Variants in PCNT observed in about 807,000 individuals in gnomAD.
PCNT encodes kendrin.
A neutral mutation model predicts 380.4 loss-of-function variants in PCNT; 319 were observed. The ratio of observed to expected loss-of-function variants is 0.84; its 90% CI spans 0.77 to 0.92. PCNT has a LOEUF of 0.92. Ranked by LOEUF, PCNT falls within the 40% of genes least tolerant of loss-of-function variation. PCNT has a pLI of 0.00. For synonymous variants in PCNT, 1,845 were observed against 1,735.2 expected, an observed-to-expected ratio of 1.06 and a Z score of -1.57; for missense variants, 4,400 against 4,255.3, an observed-to-expected ratio of 1.03 and a Z score of -0.95.
intron 1 of PCNT, among the ~76,000 whole-genome samples, chr21:46,326,000 G>A (rs1056690240): frequency 2.6e-5 from 4 of 152,174 alleles, no homozygotes; most frequent in African/African-American, 9.7e-5. Flanking sequence ...GGGAAAATTG[G>A]GGCAAGAAGG....
intron 31 of PCNT, among the ~76,000 whole-genome samples, chr21:46,420,147 C>T (rs1191726755): frequency 6.6e-6 from 1 of 152,188 alleles, no homozygotes; most frequent in East Asian, 1.9e-4. Flanking sequence ...TGTGCCTGCG[C>T]CCTCCAGTGA....
intron 3 of PCNT, among the ~76,000 whole-genome samples, chr21:46,339,282 T>G (rs1456780513): frequency 1.3e-5 from 2 of 152,212 alleles, no homozygotes; most frequent in Non-Finnish European, 2.9e-5. Flanking sequence ...GTGTCTTGCT[T>G]GCCGGTGGTT....
intron 15 of PCNT, among the ~76,000 whole-genome samples, chr21:46,372,087 A>G (rs912556297): frequency 2.0e-5 from 3 of 151,126 alleles, no homozygotes; most frequent in Non-Finnish European, 4.4e-5. Context: ...GCACATGCGC[A>G]CACATAGCAC....
In PCNT at chr21:46,360,663, C is replaced by T. The variant is rs765100875; in HGVS notation, c.2155-2817C>T. ...CCTCCCGAGTAGCTGGGACTACAGG[C>T]GTCCGCCACCACACCCAGCTAATTT... On this transcript the variant is annotated intron_variant, in intron 13 of 46. Transcript: ENST00000359568. Among the ~76,000 whole-genome samples, 11 of 152,114 alleles carry T rather than the reference C, an allele frequency of 7.2e-5. No individual in the cohort carries two copies. In the South Asian group the frequency reaches 2.1e-3, roughly 29 times the overall value.
chr21:46,421,451 T>TGTGCATG (rs1344345259), intron 31 of PCNT, among the ~76,000 whole-genome samples: 1 of 107,146 alleles, frequency 9.3e-6, no homozygotes, highest in African/African-American at 7.5e-5. Flanking sequence ...ACCAGGGCCC[T>TGTGCATG]GGGAGGTTTT....
chr21:46,360,504 T>A (rs1183544034), intron 13 of PCNT, among the ~76,000 whole-genome samples: 2 of 139,256 alleles, frequency 1.4e-5, no homozygotes, highest in Non-Finnish European at 3.0e-5. Context: ...ATTACAGGTG[T>A]GAGCCACTGC....
intron 3 of PCNT, among the ~76,000 whole-genome samples, chr21:46,340,334 G>C (rs1258612310): frequency 6.6e-6 from 1 of 152,192 alleles, no homozygotes; most frequent in African/African-American, 2.4e-5. Context: ...TTTGGGTGGG[G>C]ACACAGCCCA....
At chr21:46,394,052 C>T (rs969917736) in intron 21 of PCNT, among the ~76,000 whole-genome samples, 2 of 152,182 alleles carry the variant, frequency 1.3e-5, no homozygotes, top group African/African-American at 4.8e-5. Flanking sequence ...GCTTTCCTTT[C>T]GACATGGTTA....
intron 2 of PCNT, among the ~76,000 whole-genome samples, chr21:46,332,976 A>G (rs1452596554): frequency 6.6e-6 from 1 of 152,156 alleles, no homozygotes; most frequent in Admixed American, 6.5e-5. Flanking sequence ...AGCTGGGCAC[A>G]GTGGCGCATG....
chr21:46,383,539 T>C, intron 16 of PCNT, among the ~76,000 whole-genome samples: 1 of 143,176 alleles, frequency 7.0e-6, no homozygotes, highest in African/African-American at 2.6e-5. Context: ...GGAAGCGCAT[T>C]CACAGTGTTG....
Position 46,353,189 on chromosome 21 carries a change from C to T in PCNT, c.1542C>T (p.Ser514=), listed in dbSNP as rs2249057. ...LKQREKTQHE[S]ELEQLRIYFE... is the part of the protein sequence containing the mutation. ...AGCGAGAAAAAACCCAGCATGAGTC[C>T]GAACTGGAGCAACTGAGGATTTATT... Residue 514 remains serine, a synonymous_variant, in exon 10 of 47, where the codon TCC becomes TCT. Transcript: ENST00000359568. 3.9e-5 allele frequency: 63 copies of T among 1,613,790 alleles called. No homozygotes were observed. Among genetic ancestry groups the T allele is most frequent in the African/African-American group, 9.4e-5 (7 of 74,860 alleles).
intron 17 of PCNT, among the ~76,000 whole-genome samples, chr21:46,387,837 G>C (rs2085892207): frequency 6.6e-6 from 1 of 152,072 alleles, no homozygotes; most frequent in South Asian, 2.1e-4. Flanking sequence ...TGTCCTCAGC[G>C]GCGTCACAGC....
rs11391105 is a variant in PCNT, at chr21:46,402,138, G to GC, written c.4963-190dup. 1 allele frequency among the ~76,000 whole-genome samples: 152,290 copies of GC among 152,290 alleles called. 76,145 individuals carry two copies. The highest frequency in any genetic ancestry group is 1 in the Non-Finnish European group (68,040 of 68,040). On this transcript the variant is annotated intron_variant, in intron 26 of 46. Transcript: ENST00000359568. ...CAAAGTGCTGGGATTACAGGCGTGA[G>GC]CCCATGCCCAGCCTGACCACTGTGT... is the stretch of plus-strand genomic sequence containing the variant.
intron 33 of PCNT, 61 bp from the exon 34 acceptor site, chr21:46,427,561 T>C: frequency 6.2e-7 from 1 of 1,601,706 alleles, no homozygotes; most frequent in Non-Finnish European, 8.5e-7. Flanking sequence ...ACTGCGAACT[T>C]TAGGGCACAA....
rs575720246 is a variant in PCNT at position 46,347,459 on chromosome 21, G to C, written c.979G>C (p.Glu327Gln). ...GCTGCTTTTTGTTTTTCTTGCAGCT[G>C]AGCTGAAGGAGAAGTTACAATCAGA... is the stretch of plus-strand genomic sequence containing the variant. ...VVLRCGQEAA[E>Q]LKEKLQSEME... The change falls in exon 6 of 47, where the codon GAG (glutamate) becomes CAG (glutamine). Residue 327 changes from glutamate (E) to glutamine (Q), a missense_variant and splice_region_variant. By Grantham distance (29) the Glu-to-Gln change is conservative (BLOSUM62 2). Coordinates refer to ENST00000359568, the MANE Select transcript of PCNT (RefSeq NM_006031.6). The C allele has an allele frequency of 2.4e-4, 395 of 1,614,086 alleles. 6 individuals carry two copies. The South Asian group carries it at 4.2e-3, about 17-fold the overall frequency.
At position 46,416,805 on chromosome 21, in the gene PCNT, C is replaced by T. The variant is rs199844366; in HGVS notation, c.6887C>T (p.Pro2296Leu). 41 of 1,598,836 alleles carry T rather than the reference C, an allele frequency of 2.6e-5. No individual in the cohort carries two copies. Among genetic ancestry groups the T allele is most frequent in the Admixed American group, 2.3e-4 (14 of 59,924 alleles). ...ALALQWAESP[P>L]ADDHHVQRTA... ...GCACTGCAGTGGGCCGAGTCTCCGC[C>T]GGCTGACGACCACCATGTGCAGAGG... The change falls in exon 30 of 47, where the codon CCG (proline) becomes CTG (leucine). Residue 2296 changes from proline (P) to leucine (L), a missense_variant. Physicochemically the swap from Pro to Leu is moderately conservative, Grantham distance 98. Transcript: ENST00000359568.
chr21:46,355,376 A>G (rs2084433896), intron 11 of PCNT, 76 bp from the exon 12 acceptor site: 1 of 1,470,292 alleles, frequency 6.8e-7, no homozygotes, highest in Admixed American at 1.7e-5. Context: ...ATAGCAGGAA[A>G]CACCTTTGAG....
chr21:46,371,255 G>A (rs2085117991), intron 15 of PCNT, among the ~76,000 whole-genome samples: 1 of 142,112 alleles, frequency 7.0e-6, no homozygotes, highest in Non-Finnish European at 1.5e-5. Context: ...CTCAAAAAAA[G>A]TCTAGAGTGC....
intron 13 of PCNT, among the ~76,000 whole-genome samples, chr21:46,360,532 T>TC (rs1385397421): frequency 7.2e-6 from 1 of 139,842 alleles, no homozygotes; most frequent in Non-Finnish European, 1.5e-5. Flanking sequence ...TTTTTTTTTT[T>TC]TTCTGAGACG....
Sources: gnomAD v4.1 joint callset for allele counts (sites outside exome capture counted in the v4.1 genomes callset) on GRCh38, gnomAD v4.1.1 for gene constraint, MANE v1.5 for transcripts, NCBI Gene and HGNC (gene_info 2026-07-23, HGNC 2026-07-21) for gene names.